Variants in MAZ observed in about 807,000 individuals in gnomAD.
MAZ encodes myc-associated zinc finger protein.
MAZ carries 4 observed loss-of-function variants against 32.7 expected under a neutral mutation model. That is an observed-to-expected ratio of 0.12 (90% confidence interval 0.06 to 0.28). The LOEUF (loss-of-function observed/expected upper bound fraction) is 0.28. MAZ is among the 10% of genes least tolerant of loss of function. The probability of loss-of-function intolerance (pLI) is 1.00; values close to 1 mark genes in which losing one functional copy is unlikely to be tolerated. For synonymous variants in MAZ, 510 were observed against 297.6 expected (o/e 1.71, Z -7.35); for missense variants, 763 against 667.2 (o/e 1.14, Z -1.58).
At chr16:29,807,891 C>T (rs755100552) in intron 2 of MAZ, 63 bp downstream of exon 2, 2 of 1,564,404 alleles carry the variant, frequency 1.3e-6, no homozygotes, top group East Asian at 4.5e-5. Context: ...CGGAGGTGGC[C>T]TGGCCGTGGC....
rs1232932969 is a variant in MAZ at position 29,807,119 on chromosome 16, G to T, written c.334G>T (p.Ala112Ser). 1 of 1,017,690 alleles carries T rather than the reference G, an allele frequency of 9.8e-7. No homozygotes were observed. The highest frequency in any genetic ancestry group is 1.2e-6 in the Non-Finnish European group (1 of 835,934). The allele number at this position is 1,017,690 out of a possible 1,614,324, so 63.0% of individuals were successfully genotyped here. ...CGCCGCTGCTGCCGCCGTCGCTGCC[G>T]CGCCCCCGGCCCCTGCCGCCGCCTC... ...AAAAAAAVAA[A>S]PPAPAAASTV... The change falls in exon 2 of 5, where the codon GCG becomes TCG. Residue 112 changes from alanine to serine, a missense_variant. Transcript: ENST00000322945.
intron 2 of MAZ, 198 bp from the exon 3 acceptor site, chr16:29,808,032 G>C: frequency 1.8e-6 from 2 of 1,128,488 alleles, no homozygotes; most frequent in Non-Finnish European, 2.5e-6. Context: ...TGGGGTTGAC[G>C]GAAGCTTCGC....
At position 29,810,390 on chromosome 16, in the gene MAZ, G is replaced by A. The variant is rs1040953126; in HGVS notation, c.*159G>A. 1.1e-5 allele frequency: 9 copies of A among 815,824 alleles called. No individual in the cohort carries two copies. The highest frequency in any genetic ancestry group is 6.0e-5 in the Admixed American group (3 of 50,118). The allele number at this position is 815,824 out of a possible 1,614,324, so 50.5% of individuals were successfully genotyped here. On this transcript the variant is annotated 3_prime_UTR_variant, in exon 5 of 5. Transcript: ENST00000322945. The stretch of plus-strand genomic sequence containing the variant: ...ATGTTTTCTTAGGGGAATTCGCTAG[G>A]TTTTAACGATTTGTTTCTCCTGCTC...
chr16:29,808,305 G>A lies in MAZ; in HGVS notation c.1107+12G>A, dbSNP rs1395023593. On this transcript the variant is annotated intron_variant, in intron 3 of 4. Coordinates refer to ENST00000322945, the MANE Select transcript of MAZ (RefSeq NM_002383.4). ...CCTTCAAATGTGAGGTAGGAAGCCC[G>A]CCTCCTCCTGTCTTGGTTTTCATGA... 3 of 1,611,270 alleles carry A rather than the reference G, an allele frequency of 1.9e-6. No individual in the cohort carries two copies. Among genetic ancestry groups the A allele is most frequent in the Admixed American group, 1.7e-5 (1 of 59,980 alleles).
rs1012796363 is a variant in MAZ, at chr16:29,810,753, C to T, written c.*522C>T. On this transcript the variant is annotated 3_prime_UTR_variant, in exon 5 of 5. Transcript: ENST00000322945. ...GAAAGCGGTGAGGTTTGAGGAGGGG[C>T]AGAAGCAGGGCCGGCAAAGGTTGTA... is the stretch of plus-strand genomic sequence containing the variant. The T allele has an allele frequency of 1.3e-5, 5 of 379,708 alleles. No homozygotes were observed. The highest frequency in any genetic ancestry group is 2.5e-5 in the Non-Finnish European group (5 of 201,248). 23.5% of individuals were successfully genotyped at this position (379,708 alleles called of 1,614,324 possible).
intron 1 of MAZ, 32 bp downstream of exon 1, chr16:29,806,925 G>T (rs761614851): frequency 6.0e-5 from 73 of 1,226,654 alleles, no homozygotes; most frequent in South Asian, 2.5e-4. Context: ...GGCCCGGGCT[G>T]GGGGGGGACG....
rs780827623 is a variant in MAZ at position 29,806,765 on chromosome 16, C to T, written c.64C>T (p.Arg22Trp). The T allele has an allele frequency of 4.0e-5, 58 of 1,435,266 alleles. No homozygotes were observed. The highest frequency in any genetic ancestry group is 4.9e-5 in the Non-Finnish European group (53 of 1,086,362). 88.9% of individuals were successfully genotyped at this position (1,435,266 alleles called of 1,614,324 possible). ...PPFPVLGLDS[R>W]GVGGLMNSFP... ...CTTCCCCGTGCTGGGCCTGGACTCC[C>T]GGGGGGTGGGCGGCCTCATGAACTC... Residue 22 changes from arginine to tryptophan, a missense_variant, in exon 1 of 5, where the codon CGG becomes TGG. Transcript: ENST00000322945.
chr16:29,809,483 G>C, intron 4 of MAZ: 2 of 1,019,300 alleles, frequency 2.0e-6, no homozygotes, highest in Non-Finnish European at 3.1e-6. Flanking sequence ...GATCAGCCCC[G>C]TCTCTGGGGT....
Position 29,806,641 on chromosome 16 carries a change from C to A in MAZ, c.-61C>A, listed in dbSNP as rs974427835. On this transcript the variant is annotated 5_prime_UTR_variant, in exon 1 of 5. Coordinates refer to ENST00000322945, the MANE Select transcript of MAZ (RefSeq NM_002383.4). ...CGGGGGCGGCGCCCCGAGCCCGGGC[C>A]CCGCGCGGCCCGCGCCCCCGGCCCC... 2.5e-5 allele frequency: 24 copies of A among 969,702 alleles called. No individual in the cohort carries two copies. Among genetic ancestry groups the A allele is most frequent in the Non-Finnish European group, 2.9e-5 (24 of 817,464 alleles). The allele number at this position is 969,702 out of a possible 1,614,324, so 60.1% of individuals were successfully genotyped here. A position where few individuals can be genotyped will look rare whatever the true frequency, so the allele number is the denominator to read the frequency against.
At chr16:29,808,002 T>C in intron 2 of MAZ, 174 bp downstream of exon 2, 4 of 1,279,524 alleles carry the variant, frequency 3.1e-6, no homozygotes, top group Non-Finnish European at 3.2e-6. Context: ...GGGGTGGTCC[T>C]TTGTCGAGGA....
chr16:29,809,844 C>G, intron 4 of MAZ: 2 of 977,278 alleles, frequency 2.0e-6, no homozygotes, highest in Non-Finnish European at 2.9e-6. Flanking sequence ...TAGGGGATCT[C>G]AGGAAGGCGA....
At chr16:29,809,686 G>A (rs1899795963) in intron 4 of MAZ, 8 of 1,535,822 alleles carry the variant, frequency 5.2e-6, no homozygotes, top group Non-Finnish European at 7.0e-6. Flanking sequence ...GACCCATCTG[G>A]GGGGGGCCGC....
Position 29,808,668 on chromosome 16 carries a change from C to T in MAZ, c.1206C>T (p.Ser402=), listed in dbSNP as rs753357187. Residue 402 remains serine (S), a synonymous_variant, in exon 4 of 5, where the codon AGC becomes AGT. Transcript: ENST00000322945. ...VPCHVCGKML[S]SAYISDHMKV... ...GTCACGTGTGTGGCAAGATGCTGAG[C>T]TCGGCTTATATTTCGGACCACATGA... 27 of 1,613,886 alleles carry T rather than the reference C, an allele frequency of 1.7e-5. No homozygotes were observed. Among genetic ancestry groups the T allele is most frequent in the East Asian group, 2.2e-5 (1 of 44,886 alleles).
chr16:29,809,913 G>A (rs1268458655), intron 4 of MAZ, 164 bp from the exon 5 acceptor site: 2 of 1,244,642 alleles, frequency 1.6e-6, no homozygotes, highest in Non-Finnish European at 2.2e-6. Context: ...GGATCCTTGA[G>A]AACTGCTCTG....
In MAZ at chr16:29,810,118, G is replaced by T. The variant is rs1408905850; in HGVS notation, c.1321G>T (p.Ala441Ser). 6.2e-7 allele frequency: 1 copy of T among 1,606,918 alleles called. No individual in the cohort carries two copies. Among genetic ancestry groups the T allele is most frequent in the African/African-American group, 1.3e-5 (1 of 74,194 alleles). ...VCPMAAAAAA[A>S]AAAAAAAVAA... ...TCCAATGGCGGCGGCAGCGGCAGCGGCGGCAGCGGCAGCAGCGGCAGCAGT... is the reference window on the plus strand; with the variant it reads ...TCCAATGGCGGCGGCAGCGGCAGCGTCGGCAGCGGCAGCAGCGGCAGCAGT... Residue 441 changes from alanine (A) to serine (S), a missense_variant, in exon 5 of 5, where the codon GCG becomes TCG. By Grantham distance (99) the Ala-to-Ser change is moderately conservative (BLOSUM62 1). Coordinates refer to ENST00000322945, the MANE Select transcript of MAZ (RefSeq NM_002383.4).
chr16:29,807,988 G>T lies in MAZ; in HGVS notation c.1043+160G>T. On this transcript the variant is annotated intron_variant, in intron 2 of 4. Transcript: ENST00000322945. ...GGAAGCCTCTCCCGGTTACCAGGGA[G>T]CAAGGGGTGGTCCTTTGTCGAGGAG... is the stretch of plus-strand genomic sequence containing the variant. 3.0e-6 allele frequency: 4 copies of T among 1,341,884 alleles called. No individual in the cohort carries two copies. The South Asian group carries it at 5.6e-5, about 19-fold the overall frequency. 83.1% of individuals were successfully genotyped at this position (1,341,884 alleles called of 1,614,324 possible).
At chr16:29,809,816 G>A in intron 4 of MAZ, 1 of 1,028,170 alleles carries the variant, frequency 9.7e-7, no homozygotes, top group South Asian at 1.7e-5. Flanking sequence ...GGGGGACAAC[G>A]GGGCTCAAAG....
rs951341715 is a variant in MAZ, at chr16:29,810,343, T to A, written c.*112T>A. On this transcript the variant is annotated 3_prime_UTR_variant, in exon 5 of 5. Transcript: ENST00000322945. ...CTATTTCCCTACCAACCAAGGAGCC[T>A]CCAGAAGGAAAGGAGGAAGAAATGT... 2 of 1,111,904 alleles carry A rather than the reference T, an allele frequency of 1.8e-6. No homozygotes were observed. The highest frequency in any genetic ancestry group is 2.6e-5 in the East Asian group (1 of 39,020). The allele number at this position is 1,111,904 out of a possible 1,614,324, so 68.9% of individuals were successfully genotyped here. A position where few individuals can be genotyped will look rare whatever the true frequency, so the allele number is the denominator to read the frequency against.
chr16:29,807,550 CGGCGCTGCCGCAGTGGCCGCCGGT>C lies in MAZ; in HGVS notation c.770_793del (p.Ala257_Gly264del). ...GAGGGGGAGAGGCGGGTGCCGGCGG[CGGCGCTGCCGCAGTGGCCGCCGGT>C]GGCGTGGTGACCACGACCGCCTCGG... On this transcript the variant is annotated inframe_deletion, in exon 2 of 5. Coordinates refer to ENST00000322945, the MANE Select transcript of MAZ (RefSeq NM_002383.4). 2.5e-6 allele frequency: 4 copies of C among 1,600,674 alleles called. No homozygotes were observed. Among genetic ancestry groups the C allele is most frequent in the Non-Finnish European group, 3.4e-6 (4 of 1,175,222 alleles).
Sources: allele counts gnomAD v4.1 joint callset, GRCh38; gene constraint gnomAD v4.1.1; transcripts MANE v1.5; gene names NCBI Gene and HGNC (gene_info 2026-07-23, HGNC 2026-07-21).